Variants in ZFYVE16 observed in about 807,000 individuals in gnomAD.
The protein encoded by ZFYVE16 is zinc finger FYVE-type containing 16, also known as zinc finger FYVE domain-containing protein 16.
In ZFYVE16, 89 loss-of-function variants were observed where a neutral mutation model predicts 138.1. The ratio of observed to expected loss-of-function variants is 0.64; its 90% CI spans 0.54 to 0.77. The LOEUF (loss-of-function observed/expected upper bound fraction) is 0.77, where lower values mean the gene tolerates loss of function less well. ZFYVE16 is among the 30% of genes least tolerant of loss of function. The pLI is 0.00. For missense variants in ZFYVE16, 1,793 were observed against 1,786.7 expected (o/e 1.00, Z -0.06); for synonymous variants, 596 against 618.3 (o/e 0.96, Z 0.53).
At chr5:80,435,530 T>C (rs1749772430) in intron 3 of ZFYVE16, among the ~76,000 whole-genome samples, 1 of 152,174 alleles carries the variant, frequency 6.6e-6, no homozygotes, top group South Asian at 2.1e-4. Context: ...TTGGATTGTT[T>C]TTTAGTTCTT....
In ZFYVE16 at chr5:80,479,804, T is replaced by C. The variant is rs948710271; in HGVS notation, c.*2427T>C. On this transcript the variant is annotated 3_prime_UTR_variant, in exon 19 of 19. Coordinates refer to ENST00000505560, the MANE Select transcript of ZFYVE16 (RefSeq NM_001284236.3). The stretch of plus-strand genomic sequence containing the variant: ...GACAGAAATTAAAGTTCAGGGCCCA[T>C]ATAAGGTGATGAACCTAACAGGAGA... Among the ~76,000 whole-genome samples, 2 of 152,154 alleles carry C rather than the reference T, an allele frequency of 1.3e-5. No homozygotes were observed. The highest frequency in any genetic ancestry group is 4.8e-5 in the African/African-American group (2 of 41,450).
chr5:80,453,077 T>C (rs921215225), intron 11 of ZFYVE16, among the ~76,000 whole-genome samples: 2 of 152,218 alleles, frequency 1.3e-5, no homozygotes, highest in East Asian at 3.8e-4. Context: ...GGAGGAAAAT[T>C]AAATGTTGAG....
intron 15 of ZFYVE16, among the ~76,000 whole-genome samples, chr5:80,471,021 G>A (rs917747200): frequency 3.3e-5 from 5 of 152,170 alleles, no homozygotes; most frequent in African/African-American, 7.2e-5. Flanking sequence ...ATGAATGGAC[G>A]TGCAGTCAGG....
At chr5:80,412,880 A>G (rs530853032) in intron 1 of ZFYVE16, among the ~76,000 whole-genome samples, 2 of 152,388 alleles carry the variant, frequency 1.3e-5, no homozygotes, top group African/African-American at 4.8e-5. Flanking sequence ...TTCAAGGATT[A>G]TAATGAAAAA....
At chr5:80,421,637 C>G (rs1358457892) in intron 1 of ZFYVE16, among the ~76,000 whole-genome samples, 1 of 152,178 alleles carries the variant, frequency 6.6e-6, no homozygotes, top group Non-Finnish European at 1.5e-5. Context: ...GGGCTCTGTT[C>G]TGTTCCATTG....
At chr5:80,441,311 A>G in intron 5 of ZFYVE16, 2 of 985,450 alleles carry the variant, frequency 2.0e-6, no homozygotes, top group Non-Finnish European at 2.4e-6. Flanking sequence ...AGGGGAGAAG[A>G]TATGATCATT....
chr5:80,473,879 C>T lies in ZFYVE16; in HGVS notation c.4293+20C>T. On this transcript the variant is annotated intron_variant, in intron 17 of 18. Transcript: ENST00000505560. The stretch of plus-strand genomic sequence containing the variant: ...ACCGAGGTAACTAAGAAAGAAGGTC[C>T]CTTTACATGCTGTGTTTCAATATGA... The T allele has an allele frequency of 6.4e-7, 1 of 1,562,778 alleles. No homozygotes were observed. Among genetic ancestry groups the T allele is most frequent in the Middle Eastern group, 1.7e-4 (1 of 5,906 alleles).
chr5:80,426,635 C>T (rs967634960), intron 1 of ZFYVE16, among the ~76,000 whole-genome samples: 1 of 152,084 alleles, frequency 6.6e-6, no homozygotes, highest in African/African-American at 2.4e-5. Flanking sequence ...GATATTGTTC[C>T]TTTTTATGAC....
At chr5:80,466,914 A>G (rs770225451) in intron 15 of ZFYVE16, among the ~76,000 whole-genome samples, 8 of 152,320 alleles carry the variant, frequency 5.3e-5, no homozygotes, top group East Asian at 3.9e-4. Context: ...AACTTGCCCT[A>G]TACCTATCCT....
chr5:80,453,862 C>G (rs1014922505), intron 11 of ZFYVE16: 1 of 152,160 alleles, frequency 6.6e-6, no homozygotes, highest in African/African-American at 2.4e-5. Context: ...ATGTTGAGAT[C>G]ACTGGTTTTG....
At chr5:80,472,531 T>C (rs1318542096) in intron 15 of ZFYVE16, among the ~76,000 whole-genome samples, 3 of 151,556 alleles carry the variant, frequency 2.0e-5, no homozygotes, top group African/African-American at 7.2e-5. Flanking sequence ...GTACCAGTTA[T>C]TTCATCATAG....
intron 2 of ZFYVE16, among the ~76,000 whole-genome samples, chr5:80,428,952 T>A (rs1265776877): frequency 1.3e-5 from 2 of 152,120 alleles, no homozygotes; most frequent in East Asian, 3.9e-4. Flanking sequence ...AACATGGGAC[T>A]GTGTGAAAAG....
intron 1 of ZFYVE16, among the ~76,000 whole-genome samples, chr5:80,420,977 T>G (rs1490155302): frequency 3.9e-5 from 6 of 152,222 alleles, no homozygotes; most frequent in Admixed American, 1.3e-4. Flanking sequence ...GACTTTTTAA[T>G]GATCGCCATT....
intron 15 of ZFYVE16, among the ~76,000 whole-genome samples, chr5:80,470,390 C>T (rs1035182628): frequency 1.8e-4 from 27 of 152,072 alleles, no homozygotes; most frequent in African/African-American, 4.3e-4. Flanking sequence ...CATGAGCCAC[C>T]GCACCCAGAC....
intron 1 of ZFYVE16, among the ~76,000 whole-genome samples, chr5:80,426,293 T>TATATATAAATAAATAA (rs1402433567): frequency 1.3e-3 from 113 of 88,686 alleles, no homozygotes; most frequent in Middle Eastern, 5.2e-3. Context: ...TATATATATA[T>TATATATAAATAAATAA]AATTAAATTT....
intron 2 of ZFYVE16, among the ~76,000 whole-genome samples, chr5:80,428,365 G>A (rs1335135723): frequency 6.6e-6 from 1 of 152,172 alleles, no homozygotes; most frequent in Non-Finnish European, 1.5e-5. Context: ...TAGACCTCCA[G>A]CAAACTCCAA....
intron 1 of ZFYVE16, among the ~76,000 whole-genome samples, chr5:80,416,959 A>G (rs190288149): frequency 2.1e-4 from 32 of 152,278 alleles, no homozygotes; most frequent in Non-Finnish European, 3.2e-4. Flanking sequence ...AAATATTTCT[A>G]TGTGTGACCA....
chr5:80,461,424 T>C (rs75612698), intron 15 of ZFYVE16, among the ~76,000 whole-genome samples: 1,664 of 152,368 alleles, frequency 0.011, 32 homozygotes, highest in African/African-American at 0.037. Flanking sequence ...TAATTATGTC[T>C]ACTCTTTTAA....
At position 80,438,758 on chromosome 5, in the gene ZFYVE16, A is replaced by G. The variant is rs114144776; in HGVS notation, c.2073A>G (p.Ile691Met). The G allele has an allele frequency of 8.0e-4, 1,286 of 1,614,138 alleles. 8 individuals are homozygous for G. The African/African-American group carries it at 0.015, about 19-fold the overall frequency. The change falls in exon 4 of 19, where the codon ATA becomes ATG. Residue 691 changes from isoleucine (I) to methionine (M), a missense_variant. Physicochemically the swap from Ile to Met is conservative, Grantham distance 10 (BLOSUM62 1). Around this residue, in one of 2 missense-constraint regions of ZFYVE16, gnomAD observed 1,295 missense variants for 1,204.3 expected, o/e 1.08. Transcript: ENST00000505560. Reference sequence around the variant, plus strand: ...CCGTTGTTCCAATCACTTGTGCTATAGATTCTACAGCTGATCCACAGGTTA... The same window carrying G: ...CCGTTGTTCCAATCACTTGTGCTATGGATTCTACAGCTGATCCACAGGTTA... ...ADTVVPITCA[I>M]DSTADPQVSF...
Sources: allele counts gnomAD v4.1 joint callset (sites outside exome capture counted in the v4.1 genomes callset), GRCh38; gene constraint gnomAD v4.1.1; regional missense constraint gnomAD v4.1.1; transcripts MANE v1.5; gene names NCBI Gene and HGNC (gene_info 2026-07-23, HGNC 2026-07-21).